IL1RAPL2: variants seen among roughly 807,000 people sequenced by gnomAD.
IL1RAPL2 encodes the protein interleukin 1 receptor accessory protein like 2, also known as X-linked interleukin-1 receptor accessory protein-like 2.
A neutral mutation model predicts 44.1 loss-of-function variants in IL1RAPL2; 3 were observed. The ratio of observed to expected loss-of-function variants is 0.07; its 90% CI spans 0.03 to 0.18. The LOEUF (loss-of-function observed/expected upper bound fraction) is 0.18. IL1RAPL2 is among the 10% of genes least tolerant of loss of function. The pLI, the probability that IL1RAPL2 is intolerant of heterozygous loss-of-function variation, is 1.00. For synonymous variants in IL1RAPL2, 181 were observed against 178.8 expected (o/e 1.01, Z -0.10); for missense variants, 391 against 496.4 (o/e 0.79, Z 2.02).
chrX:105,405,562 AG>A lies in IL1RAPL2; in HGVS notation c.698-78747del, dbSNP rs58472791. Reference sequence around the variant, plus strand: ...GAGGCGAATCCGAGTGGGTGGAGGGAGGGGAAGGGCGAGAGGAGAAAAAGGT... The same window carrying A: ...GAGGCGAATCCGAGTGGGTGGAGGGAGGGAAGGGCGAGAGGAGAAAAAGGT... On this transcript the variant is annotated intron_variant, in intron 5 of 10. Coordinates refer to ENST00000372582, the MANE Select transcript of IL1RAPL2 (RefSeq NM_017416.2). 38,664 of 647,760 alleles carry A rather than the reference AG, an allele frequency of 0.06. 8,934 individuals are homozygous for A. In the African/African-American group the frequency reaches 0.68, roughly 11 times the overall value. The allele number at this position is 647,760 out of a possible 1,213,427, so 53.4% of individuals were successfully genotyped here.
rs377068890 is a variant in IL1RAPL2, at chrX:104,821,287, G to A, written c.82+162292G>A. On this transcript the variant is annotated intron_variant, in intron 2 of 10. Transcript: ENST00000372582. ...ATACCTTAAGTTCCGCGATACATGC[G>A]CAGAACATGCAGGTTTGTTACAGAG... Among the ~76,000 whole-genome samples, 204 of 110,103 alleles carry A rather than the reference G, an allele frequency of 1.9e-3. 1 individual carries two copies. The highest frequency in any genetic ancestry group is 6.5e-3 in the African/African-American group (195 of 30,214).
At chrX:105,706,907 A>C (rs1214834156) in intron 6 of IL1RAPL2, among the ~76,000 whole-genome samples, 1 of 111,651 alleles carries the variant, frequency 9.0e-6, no homozygotes, top group Non-Finnish European at 1.9e-5. Flanking sequence ...GAACAGAACA[A>C]AAATATTCAA....
chrX:105,744,741 C>T (rs768379623), intron 8 of IL1RAPL2, among the ~76,000 whole-genome samples: 1 of 111,915 alleles, frequency 8.9e-6, no homozygotes, highest in Admixed American at 9.5e-5. Context: ...CCTACCACTT[C>T]CTTATTCTCA....
intron 5 of IL1RAPL2, among the ~76,000 whole-genome samples, chrX:105,468,051 G>A (rs1026465891): frequency 3.6e-5 from 4 of 111,686 alleles, no homozygotes; most frequent in African/African-American, 1.3e-4. Context: ...TAAGCAAACC[G>A]AAAGATGTAG....
chrX:104,820,137 T>A (rs980379811), intron 2 of IL1RAPL2, among the ~76,000 whole-genome samples: 1 of 111,821 alleles, frequency 8.9e-6, no homozygotes, highest in Non-Finnish European at 1.9e-5. Flanking sequence ...TCATTTGAGA[T>A]CAATATCAGA....
At chrX:105,457,645 T>A (rs1047755747) in intron 5 of IL1RAPL2, among the ~76,000 whole-genome samples, 1 of 108,652 alleles carries the variant, frequency 9.2e-6, no homozygotes, top group East Asian at 2.8e-4. Flanking sequence ...TATGTATGTT[T>A]TATATATATA....
intron 2 of IL1RAPL2, among the ~76,000 whole-genome samples, chrX:104,685,123 T>A (rs1602679899): frequency 8.9e-6 from 1 of 112,164 alleles, no homozygotes; most frequent in East Asian, 2.8e-4. Flanking sequence ...TCAATAAATA[T>A]AAATTAAACA....
At chrX:105,333,098 C>A (rs946298808) in intron 5 of IL1RAPL2, among the ~76,000 whole-genome samples, 1 of 111,566 alleles carries the variant, frequency 9.0e-6, no homozygotes, top group East Asian at 2.8e-4. Context: ...AGGATTCACA[C>A]TACCTGACTT....
At chrX:105,713,610 A>G (rs2038232652) in intron 6 of IL1RAPL2, among the ~76,000 whole-genome samples, 1 of 111,285 alleles carries the variant, frequency 9.0e-6, no homozygotes, top group African/African-American at 3.3e-5. Context: ...GGAAACACAG[A>G]GCCAAACCAT....
chrX:105,121,993 A>C (rs961435830), intron 2 of IL1RAPL2, among the ~76,000 whole-genome samples: 2 of 111,177 alleles, frequency 1.8e-5, no homozygotes, highest in African/African-American at 6.5e-5. Flanking sequence ...CAGATGTGTC[A>C]GGTGTAAAGG....
In IL1RAPL2 at chrX:105,185,147, T is replaced by G. The variant is rs148689060; in HGVS notation, c.83-10328T>G. On this transcript the variant is annotated intron_variant, in intron 2 of 10. Transcript: ENST00000372582. ...CACTAATATCTTTTTTTCAAGATAC[T>G]TATCTATGTATATAAGAGCCTAAAC... 3.6e-5 allele frequency among the ~76,000 whole-genome samples: 4 copies of G among 111,844 alleles called. No individual in the cohort carries two copies. The East Asian group carries it at 1.1e-3, about 31-fold the overall frequency.
intron 8 of IL1RAPL2, among the ~76,000 whole-genome samples, chrX:105,747,356 T>A (rs1188007901): frequency 3.7e-5 from 4 of 107,058 alleles, no homozygotes; most frequent in Non-Finnish European, 5.8e-5. Flanking sequence ...CTCTCTTCCT[T>A]TTTCTATCCT....
chrX:105,160,903 A>G (rs2033317668), intron 2 of IL1RAPL2, among the ~76,000 whole-genome samples: 1 of 111,840 alleles, frequency 8.9e-6, no homozygotes, highest in South Asian at 3.7e-4. Flanking sequence ...GCAATGGTCC[A>G]TCTGGATTGT....
intron 2 of IL1RAPL2, among the ~76,000 whole-genome samples, chrX:104,836,576 G>A (rs1351549114): frequency 6.4e-5 from 7 of 109,590 alleles, no homozygotes; most frequent in African/African-American, 2.3e-4. Flanking sequence ...AATTAAAAAA[G>A]AAAACAACCA....
intron 6 of IL1RAPL2, among the ~76,000 whole-genome samples, chrX:105,494,061 A>G (rs2036339786): frequency 8.9e-6 from 1 of 112,051 alleles, no homozygotes; most frequent in Non-Finnish European, 1.9e-5. Flanking sequence ...ACTAATTTGT[A>G]TCATTCAACA....
intron 2 of IL1RAPL2, among the ~76,000 whole-genome samples, chrX:104,751,322 C>A (rs914098988): frequency 5.4e-5 from 6 of 111,437 alleles, no homozygotes; most frequent in Admixed American, 1.9e-4. Flanking sequence ...TTCCTGCCCT[C>A]AGGGAGTTTA....
chrX:105,394,445 C>T (rs975588956), intron 5 of IL1RAPL2, among the ~76,000 whole-genome samples: 23 of 111,351 alleles, frequency 2.1e-4, no homozygotes, highest in African/African-American at 7.2e-4. Context: ...GAGAATCAGT[C>T]ACCCTTCTTT....
At chrX:105,334,080 G>A (rs1330013751) in intron 5 of IL1RAPL2, among the ~76,000 whole-genome samples, 1 of 112,325 alleles carries the variant, frequency 8.9e-6, no homozygotes, top group Non-Finnish European at 1.9e-5. Context: ...TCCAGTGTTT[G>A]TTGCAGCACT....
At chrX:105,447,525 A>G (rs2035975685) in intron 5 of IL1RAPL2, among the ~76,000 whole-genome samples, 1 of 76,908 alleles carries the variant, frequency 1.3e-5, no homozygotes, top group African/African-American at 5.4e-5. Flanking sequence ...ATATAAATAT[A>G]AACATAAATA....
Sources: allele counts gnomAD v4.1 joint callset (sites outside exome capture counted in the v4.1 genomes callset), GRCh38; gene constraint gnomAD v4.1.1; transcripts MANE v1.5; gene names NCBI Gene and HGNC (gene_info 2026-07-23, HGNC 2026-07-21).